Variants in GTPBP8 observed in about 807,000 individuals in gnomAD.
GTPBP8 encodes GTP binding protein 8, also known as GTP-binding protein 8.
In GTPBP8, 21 loss-of-function variants were observed where a neutral mutation model predicts 27.3. That is an observed-to-expected ratio of 0.77 (90% confidence interval 0.55 to 1.11). The LOEUF is 1.11. GTPBP8 is among the 50% of genes least tolerant of loss of function. GTPBP8 has a pLI of 0.00. For missense variants in GTPBP8, 380 were observed against 350.8 expected (o/e 1.08, Z -0.67); for synonymous variants, 147 against 135.3 (o/e 1.09, Z -0.60).
intron 1 of GTPBP8, chr3:112,991,537 A>C: frequency 1.4e-6 from 1 of 703,960 alleles, no homozygotes; most frequent in Non-Finnish European, 2.6e-6. Flanking sequence ...TACAAAATGC[A>C]GTCAATACCC....
At chr3:112,995,315 G>A in intron 3 of GTPBP8, 50 bp downstream of exon 3, 1 of 1,249,454 alleles carries the variant, frequency 8.0e-7, no homozygotes. Flanking sequence ...CCCAAAGCAT[G>A]TTTTCATCAG....
At chr3:112,993,523 TAC>T (rs903720102) in intron 2 of GTPBP8, among the ~76,000 whole-genome samples, 1 of 152,224 alleles carries the variant, frequency 6.6e-6, no homozygotes, top group African/African-American at 2.4e-5. Context: ...CGTGATTAGT[TAC>T]ACACACACAT....
At chr3:112,992,306 A>T (rs1001499538) in intron 1 of GTPBP8, 2 of 152,220 alleles carry the variant, frequency 1.3e-5, no homozygotes, top group African/African-American at 4.8e-5. Flanking sequence ...CCTGCCCACT[A>T]AATGTCCCCC....
At position 113,000,986 on chromosome 3, in the gene GTPBP8, C is replaced by T; in HGVS notation, c.*67C>T. 1 of 848,696 alleles carries T rather than the reference C, an allele frequency of 1.2e-6. No individual in the cohort carries two copies. Among genetic ancestry groups the T allele is most frequent in the East Asian group, 2.5e-5 (1 of 40,002 alleles). The allele number at this position is 848,696 out of a possible 1,614,324, so 52.6% of individuals were successfully genotyped here. Reference sequence around the variant, plus strand: ...GCTTTATGCTAACTGGAGTTAAATACCTAGAAGAATTTCAACATTGTTTTA... The same window carrying T: ...GCTTTATGCTAACTGGAGTTAAATATCTAGAAGAATTTCAACATTGTTTTA... On this transcript the variant is annotated 3_prime_UTR_variant, in exon 6 of 6. Coordinates refer to ENST00000383678, the MANE Select transcript of GTPBP8 (RefSeq NM_014170.4).
At chr3:112,996,483 T>C (rs772949563) in intron 3 of GTPBP8, among the ~76,000 whole-genome samples, 22 of 152,006 alleles carry the variant, frequency 1.4e-4, no homozygotes, top group Non-Finnish European at 2.5e-4. Flanking sequence ...AAAAAAAAAT[T>C]TATAACTTAT....
chr3:113,000,520 TTAAAACC>T (rs962421355), intron 5 of GTPBP8, among the ~76,000 whole-genome samples: 1 of 152,160 alleles, frequency 6.6e-6, no homozygotes, highest in Admixed American at 6.6e-5. Context: ...GGTAATTTTT[TTAAAACC>T]TAAAAAGTCT....
intron 1 of GTPBP8, chr3:112,991,764 G>C (rs1314661180): frequency 5.8e-6 from 2 of 346,292 alleles, no homozygotes; most frequent in Non-Finnish European, 1.1e-5. Flanking sequence ...ACAGAATTTA[G>C]ACAGTGAAGA....
chr3:112,991,062 G>A lies in GTPBP8; in HGVS notation c.63G>A (p.Glu21=), dbSNP rs766359583. 35 of 1,613,594 alleles carry A rather than the reference G, an allele frequency of 2.2e-5. No homozygotes were observed. In the South Asian group the frequency reaches 3.7e-4, roughly 17 times the overall value. Residue 21 remains glutamate, a synonymous_variant, in exon 1 of 6, where the codon GAG becomes GAA. Coordinates refer to ENST00000383678, the MANE Select transcript of GTPBP8 (RefSeq NM_014170.4). ...TCTTTGAAATGCCTGCGGTGCTAGA[G>A]CGACTGAGCCGCTATAATAGCACGT... is the stretch of plus-strand genomic sequence containing the variant. ...GRLFEMPAVL[E]RLSRYNSTSQ...
At position 112,993,076 on chromosome 3, in the gene GTPBP8, T is replaced by G. The variant is rs184711230; in HGVS notation, c.387T>G (p.Ala129=). ...SNVGKSSLIK[A]LFSLAPEVEV... ...TTGGAAAATCATCTCTAATCAAGGC[T>G]TTATTTTCACTGGCCCCTGAGGTTG... Residue 129 remains alanine, a synonymous_variant, in exon 2 of 6, where the codon GCT becomes GCG. Transcript: ENST00000383678. 4 of 1,611,776 alleles carry G rather than the reference T, an allele frequency of 2.5e-6. No individual in the cohort carries two copies. The East Asian group carries it at 8.9e-5, about 36-fold the overall frequency.
At position 113,001,204 on chromosome 3, in the gene GTPBP8, A is replaced by G. The variant is rs1933901714; in HGVS notation, c.*285A>G. ...CACATCCATAAAATGAAAACCTGTT[A>G]CAACTATGTACAGAAGGGTTTGACG... On this transcript the variant is annotated 3_prime_UTR_variant, in exon 6 of 6. Transcript: ENST00000383678. 2 of 263,022 alleles carry G rather than the reference A, an allele frequency of 7.6e-6. No homozygotes were observed. The highest frequency in any genetic ancestry group is 1.6e-4 in the South Asian group (2 of 12,878). The allele number at this position is 263,022 out of a possible 1,614,324, so 16.3% of individuals were successfully genotyped here. A position where few individuals can be genotyped will look rare whatever the true frequency, so the allele number is the denominator to read the frequency against.
chr3:112,995,560 A>G (rs866770158), intron 3 of GTPBP8, among the ~76,000 whole-genome samples: 4 of 149,958 alleles, frequency 2.7e-5, no homozygotes, highest in Middle Eastern at 6.8e-3. Flanking sequence ...TTTTTTTGAG[A>G]CAGTCTCGTT....
Position 112,996,983 on chromosome 3 carries a change from C to T in GTPBP8, c.658C>T (p.Pro220Ser). 6.9e-7 allele frequency: 1 copy of T among 1,458,062 alleles called. No individual in the cohort carries two copies. The highest frequency in any genetic ancestry group is 9.6e-7 in the Non-Finnish European group (1 of 1,039,408). The allele number at this position is 1,458,062 out of a possible 1,614,324, so 90.3% of individuals were successfully genotyped here. Reference protein sequence around the residue: ...AIEMCEEFALPYVIVLTKIDK... With the variant: ...AIEMCEEFALSYVIVLTKIDK... ...AGAAATGTGTGAAGAATTTGCATTA[C>T]CTTATGTGGTAAGTACTTCCTTTGA... Residue 220 changes from proline (P) to serine (S), a missense_variant, in exon 4 of 6, where the codon CCT becomes TCT. Physicochemically the swap from Pro to Ser is moderately conservative, Grantham distance 74. Coordinates refer to ENST00000383678, the MANE Select transcript of GTPBP8 (RefSeq NM_014170.4).
At chr3:112,994,941 A>G (rs568304053) in intron 2 of GTPBP8, among the ~76,000 whole-genome samples, 194 bp from the exon 3 acceptor site, 192 of 152,352 alleles carry the variant, frequency 1.3e-3, no homozygotes, top group Non-Finnish European at 2.1e-3. Context: ...AATGAAGCGA[A>G]AAGTAGTATG....
At chr3:113,000,737 A>G in intron 5 of GTPBP8, 113 bp from the exon 6 acceptor site, 1 of 635,136 alleles carries the variant, frequency 1.6e-6, no homozygotes, top group Non-Finnish European at 2.7e-6. Flanking sequence ...ACATTAAAAG[A>G]TGTTCTGCTT....
chr3:112,991,028 C>T lies in GTPBP8; in HGVS notation c.29C>T (p.Ala10Val). 6.2e-7 allele frequency: 1 copy of T among 1,600,290 alleles called. No individual in the cohort carries two copies. Among genetic ancestry groups the T allele is most frequent in the Non-Finnish European group, 8.5e-7 (1 of 1,170,662 alleles). The change falls in exon 1 of 6, where the codon GCG becomes GTG. Residue 10 changes from alanine (A) to valine (V), a missense_variant. Coordinates refer to ENST00000383678, the MANE Select transcript of GTPBP8 (RefSeq NM_014170.4). MAAPGLRLG[A>V]GRLFEMPAVL... ...GCGGCGCCCGGGCTGCGGCTGGGAG[C>T]GGGAAGACTCTTTGAAATGCCTGCG...
intron 3 of GTPBP8, among the ~76,000 whole-genome samples, chr3:112,996,395 G>T (rs1293660036): frequency 6.6e-6 from 1 of 151,948 alleles, no homozygotes; most frequent in African/African-American, 2.4e-5. Context: ...AAACCCAGGA[G>T]GCAGAGGTTA....
intron 1 of GTPBP8, chr3:112,991,734 A>G (rs1933685720): frequency 2.7e-6 from 1 of 373,632 alleles, no homozygotes; most frequent in Admixed American, 3.7e-5. Flanking sequence ...TAAGTAGGGA[A>G]AACATGCCAG....
In GTPBP8 at chr3:112,996,937, A is replaced by G. The variant is rs1287421824; in HGVS notation, c.612A>G (p.Gln204=). The part of the protein sequence containing the change: ...FLLVDSVVGI[Q]KTDNIAIEMC... ...TAGTGGATAGCGTTGTTGGAATTCAAAAAACAGACAATATTGCCATAGAAA... is the reference window on the plus strand; with the variant it reads ...TAGTGGATAGCGTTGTTGGAATTCAGAAAACAGACAATATTGCCATAGAAA... Residue 204 remains glutamine, a synonymous_variant, in exon 4 of 6, where the codon CAA becomes CAG. Coordinates refer to ENST00000383678, the MANE Select transcript of GTPBP8 (RefSeq NM_014170.4). 3.2e-6 allele frequency: 5 copies of G among 1,583,726 alleles called. No homozygotes were observed. The highest frequency in any genetic ancestry group is 4.3e-6 in the Non-Finnish European group (5 of 1,153,322).
rs751752945 is a variant in GTPBP8, at chr3:112,991,077, T to C, written c.78T>C (p.Tyr26=). 1.9e-6 allele frequency: 3 copies of C among 1,614,026 alleles called. No homozygotes were observed. Among genetic ancestry groups the C allele is most frequent in the East Asian group, 4.5e-5 (2 of 44,888 alleles). Residue 26 remains tyrosine, a synonymous_variant, in exon 1 of 6, where the codon TAT becomes TAC. Coordinates refer to ENST00000383678, the MANE Select transcript of GTPBP8 (RefSeq NM_014170.4). ...MPAVLERLSR[Y]NSTSQAFAEV... is the part of the protein sequence containing the mutation. ...CGGTGCTAGAGCGACTGAGCCGCTA[T>C]AATAGCACGTCCCAAGCTTTTGCTG...
Sources: gnomAD v4.1 joint callset for allele counts (sites outside exome capture counted in the v4.1 genomes callset) on GRCh38, gnomAD v4.1.1 for gene constraint, MANE v1.5 for transcripts, NCBI Gene and HGNC (gene_info 2026-07-23, HGNC 2026-07-21) for gene names.